The following CPNE4 variants were observed in gnomAD, a reference collection of about 807,000 sequenced individuals.
CPNE4 encodes copine-4.
A neutral mutation model predicts 67.9 loss-of-function variants in CPNE4; 25 were observed. The ratio of observed to expected loss-of-function variants is 0.37; its 90% CI spans 0.27 to 0.51. CPNE4 has a LOEUF of 0.51. Ranked by LOEUF, CPNE4 falls within the 20% of genes least tolerant of loss-of-function variation. The pLI is 0.93. For synonymous variants in CPNE4, 242 were observed against 244.9 expected (o/e 0.99, Z 0.11); for missense variants, 464 against 690.8 (o/e 0.67, Z 3.68).
At chr3:131,906,420 A>G (rs1163894320) in intron 1 of CPNE4, among the ~76,000 whole-genome samples, 1 of 96,384 alleles carries the variant, frequency 1.0e-5, no homozygotes, top group Non-Finnish European at 2.0e-5. Context: ...CCACCCCACA[A>G]CAGTCCCCAG....
chr3:131,560,121 A>G (rs956161618), intron 11 of CPNE4, among the ~76,000 whole-genome samples: 13 of 152,044 alleles, frequency 8.6e-5, no homozygotes, highest in South Asian at 2.1e-4. Flanking sequence ...CTAGGGTATT[A>G]AAGATAATCA....
At chr3:132,006,176 T>C (rs1175409602) in intron 1 of CPNE4, among the ~76,000 whole-genome samples, 1 of 152,106 alleles carries the variant, frequency 6.6e-6, no homozygotes, top group Non-Finnish European at 1.5e-5. Flanking sequence ...TTAAGGAAAG[T>C]GGCCCCTCAC....
chr3:131,907,706 C>T (rs1225005), intron 1 of CPNE4, among the ~76,000 whole-genome samples: 117,529 of 152,118 alleles, frequency 0.77, 45,924 homozygotes, highest in African/African-American at 0.88. Context: ...AATGGCAGAA[C>T]TGAGTAGTTG....
upstream of CPNE4, among the ~76,000 whole-genome samples, chr3:132,038,195 T>A (rs1055232684): frequency 6.6e-6 from 1 of 152,150 alleles, no homozygotes; most frequent in Non-Finnish European, 1.5e-5. Context: ...GGTGTTTCTG[T>A]ATATGCCTGA....
chr3:131,765,712 A>G (rs2107822536), intron 2 of CPNE4, among the ~76,000 whole-genome samples: 1 of 152,184 alleles, frequency 6.6e-6, no homozygotes, highest in South Asian at 2.1e-4. Flanking sequence ...CAAAAAATGA[A>G]TTTGAAAGAC....
chr3:131,829,055 C>T (rs1014081874), intron 2 of CPNE4, among the ~76,000 whole-genome samples: 6 of 152,268 alleles, frequency 3.9e-5, no homozygotes, highest in South Asian at 2.1e-4. Flanking sequence ...GAGCAAGTCA[C>T]GTCTTACATG....
intron 1 of CPNE4, among the ~76,000 whole-genome samples, chr3:131,962,166 C>A (rs1004209502): frequency 1.3e-5 from 2 of 151,966 alleles, no homozygotes; most frequent in East Asian, 3.8e-4. Flanking sequence ...CGAGGCCCTG[C>A]CTTTTTCTAT....
intron 1 of CPNE4, among the ~76,000 whole-genome samples, chr3:131,947,087 A>T (rs956345209): frequency 1.3e-5 from 2 of 152,124 alleles, no homozygotes; most frequent in African/African-American, 4.8e-5. Flanking sequence ...ACAATTTCAC[A>T]CTGTTGTGAT....
rs146761841 is a variant in CPNE4 at position 131,644,489 on chromosome 3, T to C, written c.681+25186A>G. Among the ~76,000 whole-genome samples, 167 of 152,318 alleles carry C rather than the reference T, an allele frequency of 1.1e-3. 1 individual carries two copies. The highest frequency in any genetic ancestry group is 3.7e-3 in the African/African-American group (155 of 41,574). On this transcript the variant is annotated intron_variant, in intron 7 of 15. Transcript: ENST00000429747. ...ACAAGTTCCCATGTGATGCTGACACTGCTGGTTAGGGGGATTACCTTTTGA... is the reference window on the plus strand; with the variant it reads ...ACAAGTTCCCATGTGATGCTGACACCGCTGGTTAGGGGGATTACCTTTTGA...
intron 1 of CPNE4, among the ~76,000 whole-genome samples, chr3:131,927,921 G>A (rs2070943145): frequency 6.6e-6 from 1 of 152,124 alleles, no homozygotes; most frequent in Non-Finnish European, 1.5e-5. Context: ...CATTATTGAT[G>A]TCATTAACTG....
chr3:131,629,195 A>G (rs2079157526), intron 7 of CPNE4, among the ~76,000 whole-genome samples: 7 of 152,142 alleles, frequency 4.6e-5, no homozygotes, highest in Admixed American at 3.9e-4. Flanking sequence ...ACTGGCCCCC[A>G]TGATTCAATC....
chr3:131,957,396 A>G (rs1202234022), intron 1 of CPNE4, among the ~76,000 whole-genome samples: 1 of 152,236 alleles, frequency 6.6e-6, no homozygotes, highest in Non-Finnish European at 1.5e-5. Context: ...CCCAGTAAGG[A>G]GATGCTTGTT....
intron 3 of CPNE4, among the ~76,000 whole-genome samples, chr3:131,721,733 A>C (rs1038208741): frequency 3.3e-5 from 5 of 152,174 alleles, no homozygotes; most frequent in Non-Finnish European, 7.3e-5. Context: ...TATAAAATTT[A>C]TGCATAGGAG....
intron 1 of CPNE4, among the ~76,000 whole-genome samples, chr3:131,942,641 C>T (rs2071435148): frequency 6.6e-6 from 1 of 152,036 alleles, no homozygotes. Flanking sequence ...CCACAGCTGG[C>T]CACCAATCTC....
chr3:131,954,364 A>G (rs2071872161), intron 1 of CPNE4, among the ~76,000 whole-genome samples: 1 of 152,192 alleles, frequency 6.6e-6, no homozygotes, highest in South Asian at 2.1e-4. Flanking sequence ...ACACATAAAT[A>G]CACATATGCA....
intron 3 of CPNE4, among the ~76,000 whole-genome samples, chr3:131,701,722 A>G (rs2081306946): frequency 6.6e-6 from 1 of 152,170 alleles, no homozygotes; most frequent in African/African-American, 2.4e-5. Context: ...GCTTCATGAG[A>G]AACCCTTGCA....
At chr3:131,902,340 G>T (rs995713095) in intron 2 of CPNE4, among the ~76,000 whole-genome samples, 1 of 151,976 alleles carries the variant, frequency 6.6e-6, no homozygotes. Flanking sequence ...GGACGCTTTG[G>T]AAAAATTATT....
rs144256712 is a variant in CPNE4, at chr3:131,750,949, T to C, written c.181-27324A>G. ...TTCTGAGTTGATAGTTCTTTTCTTT[T>C]AGAACTGGAAAAATATTATGCCCCT... On this transcript the variant is annotated intron_variant, in intron 2 of 15. Transcript: ENST00000429747. 2.7e-3 allele frequency among the ~76,000 whole-genome samples: 406 copies of C among 152,228 alleles called. 1 individual carries two copies. The highest frequency in any genetic ancestry group is 9.2e-3 in the African/African-American group (381 of 41,566).
At chr3:131,647,361 G>A (rs920068183) in intron 7 of CPNE4, among the ~76,000 whole-genome samples, 5 of 152,192 alleles carry the variant, frequency 3.3e-5, no homozygotes, top group Admixed American at 6.5e-5. Context: ...GTTACCAGGA[G>A]AACCCCAAGA....
Sources: allele counts gnomAD v4.1 joint callset (sites outside exome capture counted in the v4.1 genomes callset), GRCh38; gene constraint gnomAD v4.1.1; transcripts MANE v1.5; gene names NCBI Gene and HGNC (gene_info 2026-07-23, HGNC 2026-07-21).